Variants in RAB3GAP1 observed in about 807,000 individuals in gnomAD.
RAB3GAP1 encodes rab3 GTPase-activating protein catalytic subunit.
In RAB3GAP1, 86 loss-of-function variants were observed where a neutral mutation model predicts 130.7. The observed-to-expected ratio is 0.66, with a 90% CI of 0.55 to 0.79. The LOEUF (loss-of-function observed/expected upper bound fraction) is 0.79. Ranked by LOEUF, RAB3GAP1 falls within the 30% of genes least tolerant of loss-of-function variation. RAB3GAP1 has a pLI of 0.00. For synonymous variants in RAB3GAP1, 367 were observed against 401.7 expected (o/e 0.91, Z 1.03); for missense variants, 1,029 against 1,169.4 (o/e 0.88, Z 1.75).
At chr2:135,115,489 A>G (rs955433296) in intron 7 of RAB3GAP1, 108 bp downstream of exon 7, 1 of 1,116,210 alleles carries the variant, frequency 9.0e-7, no homozygotes, top group African/African-American at 1.6e-5. Flanking sequence ...TTGATAATGT[A>G]ATTGCTTAGA....
chr2:135,166,383 C>G (rs559240336), intron 23 of RAB3GAP1, among the ~76,000 whole-genome samples: 5 of 152,140 alleles, frequency 3.3e-5, no homozygotes, highest in African/African-American at 7.2e-5. Context: ...GGGTCTCACT[C>G]TGTGGTCCAG....
chr2:135,127,468 G>A (rs563262757), intron 11 of RAB3GAP1, among the ~76,000 whole-genome samples: 2 of 151,604 alleles, frequency 1.3e-5, no homozygotes, highest in African/African-American at 4.8e-5. Flanking sequence ...TTCAGCCTCC[G>A]GAGTAGCTGG....
At chr2:135,136,576 G>A in intron 17 of RAB3GAP1, 1 of 334,728 alleles carries the variant, frequency 3.0e-6, no homozygotes, top group Non-Finnish European at 5.2e-6. Context: ...TATATAAGGT[G>A]ATTTATAAAC....
At chr2:135,152,097 A>T (rs1692194096) in intron 18 of RAB3GAP1, among the ~76,000 whole-genome samples, 1 of 152,288 alleles carries the variant, frequency 6.6e-6, no homozygotes, top group African/African-American at 2.4e-5. Context: ...TGTAGAAATC[A>T]GATAATACAT....
chr2:135,075,048 A>G (rs1392840515), intron 3 of RAB3GAP1, among the ~76,000 whole-genome samples: 1 of 152,160 alleles, frequency 6.6e-6, no homozygotes, highest in Non-Finnish European at 1.5e-5. Context: ...TTTAGTCCTC[A>G]AGTTTTTAAC....
At chr2:135,147,969 A>C (rs1692050103) in intron 17 of RAB3GAP1, among the ~76,000 whole-genome samples, 1 of 108,032 alleles carries the variant, frequency 9.3e-6, no homozygotes. Flanking sequence ...TTAGTGCTTT[A>C]TTTTTCTTCA....
At chr2:135,064,164 G>A (rs1689252914) in intron 3 of RAB3GAP1, among the ~76,000 whole-genome samples, 1 of 152,052 alleles carries the variant, frequency 6.6e-6, no homozygotes, top group Admixed American at 6.5e-5. Flanking sequence ...ACTATGATGT[G>A]CACAGATACG....
In RAB3GAP1 at chr2:135,120,837, T is replaced by A. The variant is rs757017103; in HGVS notation, c.667T>A (p.Leu223Met). The A allele has an allele frequency of 1.2e-6, 2 of 1,611,416 alleles. No homozygotes were observed. The highest frequency in any genetic ancestry group is 4.5e-5 in the East Asian group (2 of 44,836). Residue 223 changes from leucine to methionine, a missense_variant, in exon 8 of 24, where the codon TTG becomes ATG. Transcript: ENST00000264158. The stretch of plus-strand genomic sequence containing the variant: ...TTCCTAGGGATGTCCTTTAACTCCA[T>A]TGCCTCCAGTTAGTATTGCTATTCG... The part of the protein sequence containing the change: ...KSKIGCPLTP[L>M]PPVSIAIRFT...
Position 135,167,308 on chromosome 2 carries a change from C to T in RAB3GAP1, c.2710-1237C>T, listed in dbSNP as rs377444381. Among the ~76,000 whole-genome samples, 21 of 151,940 alleles carry T rather than the reference C, an allele frequency of 1.4e-4. No individual in the cohort carries two copies. The East Asian group carries it at 3.1e-3, about 22-fold the overall frequency. ...AGCAAATAAATGACTGACTGGATTT[C>T]GCTTCAGACTTGCTAGATTGAATAA... On this transcript the variant is annotated intron_variant, in intron 23 of 23. Coordinates refer to ENST00000264158, the MANE Select transcript of RAB3GAP1 (RefSeq NM_012233.3).
intron 5 of RAB3GAP1, among the ~76,000 whole-genome samples, chr2:135,111,257 AG>A (rs1271604242): frequency 6.6e-6 from 1 of 152,156 alleles, no homozygotes; most frequent in Non-Finnish European, 1.5e-5. Context: ...ATAATAAATT[AG>A]GCAAATGAGT....
chr2:135,105,125 A>G (rs1690555706), intron 5 of RAB3GAP1, among the ~76,000 whole-genome samples: 1 of 151,916 alleles, frequency 6.6e-6, no homozygotes, highest in African/African-American at 2.4e-5. Context: ...CATGCATGTA[A>G]TGGGACTCCC....
rs370368519 is a variant in RAB3GAP1 at position 135,064,255 on chromosome 2, G to A, written c.150+6169G>A. ...TTTTCACCACATTTGGGGTGTGTTA[G>A]GTCATTATATCTTCAAAATTTTTTT... On this transcript the variant is annotated intron_variant, in intron 3 of 23. Transcript: ENST00000264158. 2.1e-3 allele frequency among the ~76,000 whole-genome samples: 316 copies of A among 152,052 alleles called. 2 individuals are homozygous for A. Among genetic ancestry groups the A allele is most frequent in the African/African-American group, 7.4e-3 (307 of 41,478 alleles).
At chr2:135,149,807 C>G (rs1692119151) in intron 17 of RAB3GAP1, among the ~76,000 whole-genome samples, 1 of 152,096 alleles carries the variant, frequency 6.6e-6, no homozygotes, top group African/African-American at 2.4e-5. Flanking sequence ...GTGCCCACCA[C>G]CATGCCTGGC....
intron 17 of RAB3GAP1, among the ~76,000 whole-genome samples, chr2:135,145,951 G>A (rs550569861): frequency 6.6e-6 from 1 of 152,124 alleles, no homozygotes; most frequent in Non-Finnish European, 1.5e-5. Flanking sequence ...AAAGTACCAG[G>A]TATAGTGAAA....
chr2:135,062,190 G>A (rs1574075910), intron 3 of RAB3GAP1, among the ~76,000 whole-genome samples: 1 of 152,064 alleles, frequency 6.6e-6, no homozygotes, highest in Non-Finnish European at 1.5e-5. Flanking sequence ...CTGGGATTAC[G>A]GGCATGAGGC....
intron 4 of RAB3GAP1, among the ~76,000 whole-genome samples, chr2:135,093,173 T>G (rs1690192846): frequency 6.6e-6 from 1 of 152,206 alleles, no homozygotes; most frequent in African/African-American, 2.4e-5. Flanking sequence ...AAACATAGTT[T>G]AGAAGTGGGA....
intron 3 of RAB3GAP1, chr2:135,089,819 G>T: frequency 2.6e-6 from 1 of 389,142 alleles, no homozygotes; most frequent in Non-Finnish European, 5.1e-6. Context: ...ATCATTCTCA[G>T]CACTCTTAAC....
intron 3 of RAB3GAP1, among the ~76,000 whole-genome samples, chr2:135,090,035 A>G (rs1396265387): frequency 1.3e-5 from 2 of 152,212 alleles, no homozygotes; most frequent in African/African-American, 2.4e-5. Context: ...GTGTATAGCT[A>G]TGTAATAAAC....
chr2:135,053,459 C>G (rs1338428177), intron 2 of RAB3GAP1, among the ~76,000 whole-genome samples: 2 of 152,134 alleles, frequency 1.3e-5, no homozygotes, highest in East Asian at 3.9e-4. Context: ...TAGCTTAGAT[C>G]GAGAAGGTTT....
Sources: gnomAD v4.1 joint callset for allele counts (sites outside exome capture counted in the v4.1 genomes callset) on GRCh38, gnomAD v4.1.1 for gene constraint, MANE v1.5 for transcripts, NCBI Gene and HGNC (gene_info 2026-07-23, HGNC 2026-07-21) for gene names.